The following ABTB2 variants were observed in gnomAD, a reference collection of about 807,000 sequenced individuals.
ABTB2 encodes ankyrin repeat and BTB/POZ domain-containing protein 2.
ABTB2 carries 56 observed loss-of-function variants against 104.1 expected under a neutral mutation model. The observed-to-expected ratio is 0.54, with a 90% CI of 0.43 to 0.67. ABTB2 has a LOEUF of 0.67. Ranked by LOEUF, ABTB2 falls within the 30% of genes least tolerant of loss-of-function variation. The probability of loss-of-function intolerance (pLI) is 0.00; values close to 1 mark genes in which losing one functional copy is unlikely to be tolerated. For missense variants in ABTB2, 1,279 were observed against 1,407.7 expected (o/e 0.91, Z 1.46); for synonymous variants, 606 against 608.2 (o/e 1.00, Z 0.05).
intron 3 of ABTB2, among the ~76,000 whole-genome samples, chr11:34,192,213 A>G (rs1853185189): frequency 3.3e-5 from 5 of 152,138 alleles, no homozygotes; most frequent in Admixed American, 1.3e-4. Context: ...GGATTGCATG[A>G]GCCCAGGATG....
At chr11:34,307,381 C>T (rs1271707630) in intron 1 of ABTB2, among the ~76,000 whole-genome samples, 1 of 152,196 alleles carries the variant, frequency 6.6e-6, no homozygotes, top group East Asian at 1.9e-4. Context: ...TACATCTTCC[C>T]CCACCTCCTC....
intron 1 of ABTB2, among the ~76,000 whole-genome samples, chr11:34,315,878 C>CTA (rs1186776988): frequency 1.3e-5 from 2 of 152,222 alleles, no homozygotes; most frequent in Non-Finnish European, 2.9e-5. Context: ...TGCCAGGCAT[C>CTA]TACCCCTCAC....
chr11:34,225,712 G>A (rs1012338886), intron 1 of ABTB2, among the ~76,000 whole-genome samples: 4 of 151,906 alleles, frequency 2.6e-5, no homozygotes, highest in African/African-American at 7.3e-5. Flanking sequence ...CCGAGATCGC[G>A]CCATTGCACT....
At chr11:34,343,820 G>A (rs560681877) in intron 1 of ABTB2, among the ~76,000 whole-genome samples, 2 of 152,186 alleles carry the variant, frequency 1.3e-5, no homozygotes, top group South Asian at 4.2e-4. Flanking sequence ...CGTGAATCTA[G>A]GATTGAAAAC....
chr11:34,344,366 A>G (rs1412821236), intron 1 of ABTB2, among the ~76,000 whole-genome samples: 1 of 152,214 alleles, frequency 6.6e-6, no homozygotes, highest in Non-Finnish European at 1.5e-5. Context: ...TGAAAATTAA[A>G]TCTCTATTGT....
At chr11:34,336,037 C>A in intron 1 of ABTB2, 1 of 432,762 alleles carries the variant, frequency 2.3e-6, no homozygotes, top group Non-Finnish European at 4.2e-6. Context: ...AAATAGCTTT[C>A]CTTTGGTAAA....
chr11:34,241,284 G>A (rs558302598), intron 1 of ABTB2, among the ~76,000 whole-genome samples: 6 of 152,168 alleles, frequency 3.9e-5, no homozygotes, highest in Non-Finnish European at 7.3e-5. Flanking sequence ...AGGCCTAAAC[G>A]AGGGGAAAAG....
chr11:34,189,711 A>ATGCCAT (rs371563079), intron 3 of ABTB2, among the ~76,000 whole-genome samples: 5,237 of 152,304 alleles, frequency 0.034, 135 homozygotes, highest in Non-Finnish European at 0.051. Context: ...CTTGCTGCCC[A>ATGCCAT]TGCCATTCAC....
chr11:34,152,154 G>A lies in ABTB2; in HGVS notation c.*233C>T. The A allele has an allele frequency of 1.8e-6, 1 of 549,138 alleles. No individual in the cohort carries two copies. Among genetic ancestry groups the A allele is most frequent in the East Asian group, 3.2e-5 (1 of 31,426 alleles). 34.0% of individuals were successfully genotyped at this position (549,138 alleles called of 1,614,324 possible). A position where few individuals can be genotyped will look rare whatever the true frequency, so the allele number is the denominator to read the frequency against. ...CTGCCCTTGAGTTGCAAACTGAGAT[G>A]GGGAGGAGGGCCACCAGTTAGCTAC... is the stretch of plus-strand genomic sequence containing the variant. On this transcript the variant is annotated 3_prime_UTR_variant, in exon 17 of 17. Coordinates refer to ENST00000435224, the MANE Select transcript of ABTB2 (RefSeq NM_145804.3).
intron 1 of ABTB2, among the ~76,000 whole-genome samples, chr11:34,306,467 G>A (rs975900795): frequency 6.6e-6 from 1 of 151,850 alleles, no homozygotes; most frequent in South Asian, 2.1e-4. Flanking sequence ...GGATGGTCTC[G>A]AACTCCTGAC....
At chr11:34,277,494 A>G (rs1043652578) in intron 1 of ABTB2, among the ~76,000 whole-genome samples, 51 of 151,762 alleles carry the variant, frequency 3.4e-4, no homozygotes, top group African/African-American at 1.1e-3. Flanking sequence ...AAAAAAACAA[A>G]CAGATTTGGC....
chr11:34,180,757 T>C (rs1355296498), intron 3 of ABTB2, among the ~76,000 whole-genome samples: 1 of 152,186 alleles, frequency 6.6e-6, no homozygotes. Flanking sequence ...GCCATAACAG[T>C]CTCTCTCATC....
chr11:34,210,288 C>T (rs1853465881), intron 1 of ABTB2, among the ~76,000 whole-genome samples: 1 of 152,218 alleles, frequency 6.6e-6, no homozygotes, highest in Non-Finnish European at 1.5e-5. Context: ...ATGTGTGCGA[C>T]AGCACTCAGG....
chr11:34,291,519 G>A (rs1046251515), intron 1 of ABTB2, among the ~76,000 whole-genome samples: 15 of 152,140 alleles, frequency 9.9e-5, no homozygotes. Flanking sequence ...TTTTTAGATG[G>A]AGTTTTGCTC....
chr11:34,201,302 G>A (rs1853333605), intron 2 of ABTB2, among the ~76,000 whole-genome samples: 1 of 152,092 alleles, frequency 6.6e-6, no homozygotes, highest in East Asian at 1.9e-4. Context: ...GATTAGAGGT[G>A]CTAGGTTTCA....
chr11:34,247,594 A>T (rs925374934), intron 1 of ABTB2, among the ~76,000 whole-genome samples: 1 of 152,208 alleles, frequency 6.6e-6, no homozygotes, highest in Non-Finnish European at 1.5e-5. Flanking sequence ...TCAATTTACA[A>T]TGGGCTTATC....
At position 34,152,335 on chromosome 11, in the gene ABTB2, TGGGCCCTGGCACCTCCAC is replaced by T; in HGVS notation, c.*34_*51del. The T allele has an allele frequency of 1.3e-6, 2 of 1,519,280 alleles. No homozygotes were observed. The highest frequency in any genetic ancestry group is 1.8e-6 in the Non-Finnish European group (2 of 1,129,480). 94.1% of individuals were successfully genotyped at this position (1,519,280 alleles called of 1,614,324 possible). A position where few individuals can be genotyped will look rare whatever the true frequency, so the allele number is the denominator to read the frequency against. On this transcript the variant is annotated 3_prime_UTR_variant, in exon 17 of 17. Transcript: ENST00000435224. ...GGCCTACAACCATACCCCGACATGG[TGGGCCCTGGCACCTCCAC>T]AGGCCCTGGCCTCGGCAGCCTCCGC...
At chr11:34,165,904 A>AG (rs1852793953) in intron 7 of ABTB2, among the ~76,000 whole-genome samples, 1 of 152,242 alleles carries the variant, frequency 6.6e-6, no homozygotes, top group African/African-American at 2.4e-5. Flanking sequence ...CCAGGAAGGC[A>AG]GGTGGTGGGG....
chr11:34,248,114 A>ATTTTTTTTTTTTTTTTTTTTTTT lies in ABTB2; in HGVS notation c.884-43425_884-43424insAAAAAAAAAAAAAAAAAAAAAAA, dbSNP rs1363625721. On this transcript the variant is annotated intron_variant, in intron 1 of 16. Transcript: ENST00000435224. Reference sequence around the variant, plus strand: ...TTTTTCTTAAAAAAAAAAAAAAAAAAAAAAAAAACAGGGTCTTGCCCTGTC... The same window carrying ATTTTTTTTTTTTTTTTTTTTTTT: ...TTTTTCTTAAAAAAAAAAAAAAAAAATTTTTTTTTTTTTTTTTTTTTTTAAAAAAAACAGGGTCTTGCCCTGTC... 4.7e-4 allele frequency among the ~76,000 whole-genome samples: 60 copies of ATTTTTTTTTTTTTTTTTTTTTTT among 126,342 alleles called. 4 individuals carry two copies. Among genetic ancestry groups the ATTTTTTTTTTTTTTTTTTTTTTT allele is most frequent in the African/African-American group, 1.3e-3 (41 of 32,106 alleles). 82.9% of individuals were successfully genotyped at this position (126,342 alleles called of 152,430 possible). A position where few individuals can be genotyped will look rare whatever the true frequency, so the allele number is the denominator to read the frequency against.
Sources: allele counts gnomAD v4.1 joint callset (sites outside exome capture counted in the v4.1 genomes callset), GRCh38; gene constraint gnomAD v4.1.1; transcripts MANE v1.5; gene names NCBI Gene and HGNC (gene_info 2026-07-23, HGNC 2026-07-21).